Variants in ITGA9 observed in about 807,000 individuals in gnomAD.
ITGA9 encodes integrin subunit alpha 9, also known as integrin alpha-9.
In ITGA9, 56 loss-of-function variants were observed where a neutral mutation model predicts 127.8. The ratio of observed to expected loss-of-function variants is 0.44; its 90% CI spans 0.35 to 0.55. The LOEUF is 0.55. ITGA9 is among the 20% of genes least tolerant of loss of function. The pLI is 0.00. For synonymous variants in ITGA9, 508 were observed against 514.5 expected (o/e 0.99, Z 0.17); for missense variants, 1,196 against 1,347.1 (o/e 0.89, Z 1.76).
Position 37,722,353 on chromosome 3 carries a change from C to T in ITGA9, c.2068-10359C>T, listed in dbSNP as rs893576357. Among the ~76,000 whole-genome samples, 3 of 152,304 alleles carry T rather than the reference C, an allele frequency of 2.0e-5. No individual in the cohort carries two copies. The Middle Eastern group carries it at 0.01, about 518-fold the overall frequency. ...ATGCAATTAACCCTTTTAATGTATA[C>T]AATTCAGTGGGTTTGAGTATATTTT... On this transcript the variant is annotated intron_variant, in intron 18 of 27. Transcript: ENST00000264741.
At chr3:37,682,508 A>C (rs181353049) in intron 17 of ITGA9, among the ~76,000 whole-genome samples, 1 of 151,338 alleles carries the variant, frequency 6.6e-6, no homozygotes, top group Non-Finnish European at 1.5e-5. Flanking sequence ...CTCATCTTCA[A>C]CTCCTAAATG....
intron 15 of ITGA9, among the ~76,000 whole-genome samples, chr3:37,587,383 G>A (rs1007141988): frequency 6.6e-6 from 1 of 152,170 alleles, no homozygotes; most frequent in Admixed American, 6.5e-5. Flanking sequence ...CAAGCTTCTT[G>A]TTATTGTTTT....
At chr3:37,475,875 C>G (rs567414471) in intron 3 of ITGA9, among the ~76,000 whole-genome samples, 1 of 152,152 alleles carries the variant, frequency 6.6e-6, no homozygotes, top group Non-Finnish European at 1.5e-5. Flanking sequence ...TTCTCCTTCC[C>G]GTGGTTCCTG....
intron 26 of ITGA9, among the ~76,000 whole-genome samples, chr3:37,800,702 T>C (rs983805333): frequency 1.3e-5 from 2 of 152,230 alleles, no homozygotes; most frequent in Admixed American, 1.3e-4. Context: ...GAATTGCCTA[T>C]TATCTGAAAA....
intron 14 of ITGA9, among the ~76,000 whole-genome samples, chr3:37,539,573 CTT>C (rs1041819510): frequency 2.0e-5 from 3 of 152,162 alleles, no homozygotes; most frequent in Admixed American, 6.5e-5. Context: ...GAACCTTAGT[CTT>C]TTTCTCTTAA....
intron 27 of ITGA9, among the ~76,000 whole-genome samples, chr3:37,816,478 A>C (rs1044085456): frequency 6.6e-6 from 1 of 152,236 alleles, no homozygotes; most frequent in Non-Finnish European, 1.5e-5. Flanking sequence ...GACCAGCCAC[A>C]TCTGGCCATG....
At chr3:37,553,882 T>C (rs78292414) in intron 15 of ITGA9, among the ~76,000 whole-genome samples, 6,655 of 152,300 alleles carry the variant, frequency 0.044, 164 homozygotes, top group East Asian at 0.094. Context: ...TTGCAGGAAT[T>C]GAGACCCCAG....
chr3:37,499,794 G>T (rs1197758848), intron 5 of ITGA9, among the ~76,000 whole-genome samples: 1 of 152,158 alleles, frequency 6.6e-6, no homozygotes, highest in Non-Finnish European at 1.5e-5. Flanking sequence ...AGAGCTGTTG[G>T]TTTTAAAGGT....
chr3:37,604,271 GCTAA>G (rs1051024225), intron 15 of ITGA9, among the ~76,000 whole-genome samples: 2 of 152,182 alleles, frequency 1.3e-5, no homozygotes, highest in African/African-American at 4.8e-5. Context: ...TTAGAGAGAT[GCTAA>G]CTAAGTAGTC....
At chr3:37,708,165 C>T (rs905117389) in intron 18 of ITGA9, among the ~76,000 whole-genome samples, 1 of 152,210 alleles carries the variant, frequency 6.6e-6, no homozygotes, top group Non-Finnish European at 1.5e-5. Flanking sequence ...CTGTGGTTAG[C>T]TGCAGGTCAG....
chr3:37,687,783 A>G (rs2125665339), intron 18 of ITGA9, among the ~76,000 whole-genome samples: 1 of 152,326 alleles, frequency 6.6e-6, no homozygotes, highest in Non-Finnish European at 1.5e-5. Flanking sequence ...TTCATAGGCT[A>G]TTACCTCTTC....
chr3:37,603,793 G>A (rs970132145), intron 15 of ITGA9, among the ~76,000 whole-genome samples: 1 of 152,208 alleles, frequency 6.6e-6, no homozygotes, highest in Admixed American at 6.5e-5. Flanking sequence ...GGCTCAGAAA[G>A]GTTCAATTCC....
At chr3:37,687,217 G>A (rs1700790283) in intron 18 of ITGA9, among the ~76,000 whole-genome samples, 1 of 152,284 alleles carries the variant, frequency 6.6e-6, no homozygotes, top group East Asian at 1.9e-4. Context: ...TAAATGTTAT[G>A]GATGGGATAA....
chr3:37,481,523 G>T lies in ITGA9; in HGVS notation c.460G>T (p.Asp154Tyr), dbSNP rs760915010. The change falls in exon 4 of 28, where the codon GAC becomes TAC. Residue 154 changes from aspartate (D) to tyrosine (Y), a missense_variant. By Grantham distance (160) the Asp-to-Tyr change is radical (BLOSUM62 -3). Transcript: ENST00000264741. ...HRWKNIYYEA[D>Y]HILPHGFCYI... Reference sequence around the variant, plus strand: ...CTGGAAGAACATCTACTATGAAGCCGACCACATCCTACCCCATGGCTTCTG... The same window carrying T: ...CTGGAAGAACATCTACTATGAAGCCTACCACATCCTACCCCATGGCTTCTG... 2.5e-6 allele frequency: 4 copies of T among 1,614,078 alleles called. No homozygotes were observed. In the South Asian group the frequency reaches 3.3e-5, roughly 13 times the overall value.
At chr3:37,790,473 G>A (rs564373021) in intron 26 of ITGA9, 21 of 345,206 alleles carry the variant, frequency 6.1e-5, no homozygotes, top group African/African-American at 4.3e-4. Flanking sequence ...TCAGGTTTAC[G>A]CCACTTGTGG....
intron 15 of ITGA9, among the ~76,000 whole-genome samples, chr3:37,579,538 A>G (rs1699686115): frequency 1.3e-5 from 2 of 151,844 alleles, no homozygotes; most frequent in African/African-American, 4.8e-5. Flanking sequence ...CTTCTTGACC[A>G]CCTCTTCTCC....
At chr3:37,749,929 A>G (rs534316572) in intron 22 of ITGA9, among the ~76,000 whole-genome samples, 57 of 152,304 alleles carry the variant, frequency 3.7e-4, no homozygotes, top group Admixed American at 1.2e-3. Context: ...GTGGGTCTCA[A>G]GTGGTGGTTC....
At position 37,494,495 on chromosome 3, in the gene ITGA9, C is replaced by G. The variant is rs764690440; in HGVS notation, c.545-6C>G. ...GGTTTGCTTCTCTCTCCTTCCTTCC[C>G]CCTAGAGTATAAGAAGAAGTACGGA... On this transcript the variant is annotated splice_polypyrimidine_tract_variant and splice_region_variant and intron_variant, in intron 4 of 27. Transcript: ENST00000264741. 65 of 1,606,856 alleles carry G rather than the reference C, an allele frequency of 4.0e-5. No individual in the cohort carries two copies. Among genetic ancestry groups the G allele is most frequent in the Non-Finnish European group, 5.2e-5 (61 of 1,173,704 alleles).
chr3:37,476,520 C>T (rs1272735880), intron 3 of ITGA9, among the ~76,000 whole-genome samples: 2 of 151,912 alleles, frequency 1.3e-5, no homozygotes, highest in East Asian at 3.9e-4. Context: ...GGTCCTTTGC[C>T]CAATTTTAAA....
Sources: allele counts gnomAD v4.1 joint callset (sites outside exome capture counted in the v4.1 genomes callset), GRCh38; gene constraint gnomAD v4.1.1; transcripts MANE v1.5; gene names NCBI Gene and HGNC (gene_info 2026-07-23, HGNC 2026-07-21).